The following ABHD17C variants were observed in gnomAD, a reference collection of about 807,000 sequenced individuals.
ABHD17C encodes the protein abhydrolase domain containing 17C, depalmitoylase.
Under a neutral mutation model 27.9 loss-of-function variants are expected in ABHD17C, and 11 were observed. The ratio of observed to expected loss-of-function variants is 0.39; its 90% CI spans 0.25 to 0.65. ABHD17C has a LOEUF of 0.65. Ranked by LOEUF, ABHD17C falls within the 30% of genes least tolerant of loss-of-function variation. The pLI is 0.45. For synonymous variants in ABHD17C, 233 were observed against 209.1 expected (o/e 1.11, Z -0.98); for missense variants, 280 against 470.2 (o/e 0.60, Z 3.74).
chr15:80,717,188 G>A (rs1423275175), intron 1 of ABHD17C, among the ~76,000 whole-genome samples: 2 of 146,770 alleles, frequency 1.4e-5, no homozygotes, highest in African/African-American at 5.0e-5. Context: ...TGCTTTACAT[G>A]TTCTTGTTTT....
At chr15:80,731,363 A>G (rs1055774429) in intron 1 of ABHD17C, among the ~76,000 whole-genome samples, 1 of 152,258 alleles carries the variant, frequency 6.6e-6, no homozygotes, top group African/African-American at 2.4e-5. Context: ...ATCTCCAAAA[A>G]GGATGGCAGA....
At chr15:80,736,335 T>A (rs1314585133) in intron 1 of ABHD17C, among the ~76,000 whole-genome samples, 6 of 152,140 alleles carry the variant, frequency 3.9e-5, no homozygotes, top group Non-Finnish European at 2.9e-5. Context: ...ACATTTTAGG[T>A]GATTGATGCT....
intron 1 of ABHD17C, among the ~76,000 whole-genome samples, chr15:80,722,321 CTTTTT>C (rs397964136): frequency 3.8e-5 from 4 of 105,116 alleles, no homozygotes; most frequent in Non-Finnish European, 8.4e-5. Context: ...CCAAAGGAAT[CTTTTT>C]TTTTTTTTTT....
intron 1 of ABHD17C, among the ~76,000 whole-genome samples, chr15:80,745,624 T>A (rs997841920): frequency 6.6e-6 from 1 of 152,064 alleles, no homozygotes; most frequent in African/African-American, 2.4e-5. Flanking sequence ...ACCTTGGCCT[T>A]CCAAAGCGCT....
At chr15:80,751,325 A>C (rs1411114028) in intron 2 of ABHD17C, among the ~76,000 whole-genome samples, 1 of 151,952 alleles carries the variant, frequency 6.6e-6, no homozygotes, top group East Asian at 1.9e-4. Flanking sequence ...GCACCACTTC[A>C]CTCCAGCCTA....
At chr15:80,698,133 T>C (rs1048926649) in intron 1 of ABHD17C, among the ~76,000 whole-genome samples, 7 of 148,564 alleles carry the variant, frequency 4.7e-5, no homozygotes, top group East Asian at 4.0e-4. Flanking sequence ...GGCGCCATCT[T>C]GGCTCACTGT....
intron 1 of ABHD17C, among the ~76,000 whole-genome samples, chr15:80,730,124 G>A (rs1596068617): frequency 6.6e-6 from 1 of 152,034 alleles, no homozygotes; most frequent in Admixed American, 6.5e-5. Context: ...AAAAAAGCTG[G>A]GACAAGAAGG....
intron 1 of ABHD17C, among the ~76,000 whole-genome samples, chr15:80,745,727 C>G (rs1461884274): frequency 1.3e-5 from 2 of 152,116 alleles, no homozygotes; most frequent in Admixed American, 6.5e-5. Context: ...TCAGAAATTA[C>G]CACTAAAGAA....
At chr15:80,743,918 A>G (rs1372168526) in intron 1 of ABHD17C, among the ~76,000 whole-genome samples, 1 of 152,226 alleles carries the variant, frequency 6.6e-6, no homozygotes, top group African/African-American at 2.4e-5. Context: ...GGCTGCTCCA[A>G]AAATACTGCC....
chr15:80,727,935 C>T (rs117684627), intron 1 of ABHD17C, among the ~76,000 whole-genome samples: 3 of 152,114 alleles, frequency 2.0e-5, no homozygotes, highest in East Asian at 1.9e-4. Flanking sequence ...TGGGTGCAGC[C>T]GTCATTGGTG....
At chr15:80,725,477 A>G (rs1191352252) in intron 1 of ABHD17C, among the ~76,000 whole-genome samples, 1 of 132,782 alleles carries the variant, frequency 7.5e-6, no homozygotes, top group African/African-American at 2.5e-5. Flanking sequence ...ATCACCTCTC[A>G]ATACCTGGTG....
intron 1 of ABHD17C, among the ~76,000 whole-genome samples, chr15:80,730,832 T>C (rs1402420222): frequency 6.6e-6 from 1 of 152,204 alleles, no homozygotes; most frequent in Non-Finnish European, 1.5e-5. Context: ...TAATTGTTTA[T>C]GGTGAAATGC....
chr15:80,700,630 G>T (rs1894558499), intron 1 of ABHD17C, among the ~76,000 whole-genome samples: 1 of 152,132 alleles, frequency 6.6e-6, no homozygotes. Flanking sequence ...GGGTGTGGCG[G>T]CTCATACCTG....
In ABHD17C at chr15:80,695,743, A is replaced by C; in HGVS notation, c.314A>C (p.Asp105Ala). 1 of 1,534,878 alleles carries C rather than the reference A, an allele frequency of 6.5e-7. No individual in the cohort carries two copies. The highest frequency in any genetic ancestry group is 8.7e-7 in the Non-Finnish European group (1 of 1,146,710). Residue 105 changes from aspartate (D) to alanine (A), a missense_variant, in exon 1 of 3, where the codon GAC becomes GCC. By Grantham distance (126) the Asp-to-Ala change is moderately radical. Transcript: ENST00000258884. The surrounding 1 kb of genome is among the most constrained non-coding windows in gnomAD (Gnocchi z 4.3). The stretch of plus-strand genomic sequence containing the variant: ...TGGCAGTACTCGCAGCGCGAGCTGG[A>C]CGCCGTCGAGGTCTTCTTCTCGCGC... ...ADWQYSQREL[D>A]AVEVFFSRTA...
intron 1 of ABHD17C, among the ~76,000 whole-genome samples, chr15:80,698,529 C>T (rs1313150056): frequency 6.6e-6 from 1 of 152,150 alleles, no homozygotes; most frequent in African/African-American, 2.4e-5. Context: ...AGTACTCTTG[C>T]GAGGGCACCA....
At chr15:80,705,567 T>C (rs17225874) in intron 1 of ABHD17C, among the ~76,000 whole-genome samples, 19,312 of 152,094 alleles carry the variant, frequency 0.13, 1,294 homozygotes, top group East Asian at 0.17. Context: ...TTTAGGATTA[T>C]TGATAACATT....
intron 1 of ABHD17C, among the ~76,000 whole-genome samples, chr15:80,748,912 C>T (rs1191069507): frequency 6.6e-6 from 1 of 151,866 alleles, no homozygotes; most frequent in African/African-American, 2.4e-5. Context: ...GTATTCCACA[C>T]AGCCCTTTAC....
chr15:80,750,186 T>G (rs140652851), intron 2 of ABHD17C, among the ~76,000 whole-genome samples: 22 of 152,298 alleles, frequency 1.4e-4, no homozygotes, highest in African/African-American at 4.8e-4. Context: ...CATGCTCAGT[T>G]AATCTTTGTA....
chr15:80,705,503 C>A (rs908851180), intron 1 of ABHD17C, among the ~76,000 whole-genome samples: 5 of 152,074 alleles, frequency 3.3e-5, no homozygotes, highest in Non-Finnish European at 5.9e-5. Flanking sequence ...TAGCTGCAAC[C>A]ACCTTGTCAG....
Sources: allele counts gnomAD v4.1 joint callset (sites outside exome capture counted in the v4.1 genomes callset), GRCh38; gene constraint gnomAD v4.1.1; non-coding constraint Gnocchi (gnomAD v3.1); transcripts MANE v1.5; gene names NCBI Gene and HGNC (gene_info 2026-07-23, HGNC 2026-07-21).